CARD8: variants seen among roughly 807,000 people sequenced by gnomAD.
CARD8 encodes the protein caspase recruitment domain family member 8.
In CARD8, 38 loss-of-function variants were observed where a neutral mutation model predicts 53.2. The ratio of observed to expected loss-of-function variants is 0.71; its 90% CI spans 0.55 to 0.94. The LOEUF is 0.94. CARD8 is among the 40% of genes least tolerant of loss of function. The pLI, the probability that CARD8 is intolerant of heterozygous loss-of-function variation, is 0.00. For missense variants in CARD8, 561 were observed against 655.5 expected (o/e 0.86, Z 1.57); for synonymous variants, 245 against 244.9 (o/e 1.00, Z 0.00).
chr19:48,221,808 A>C lies in CARD8; in HGVS notation c.1083T>G (p.Thr361=). The change falls in exon 11 of 14, where the codon ACT becomes ACG. Residue 361 remains threonine, a synonymous_variant. Coordinates refer to ENST00000651546, the MANE Select transcript of CARD8 (RefSeq NM_001184900.3). The part of the protein sequence containing the change: ...EDRFHGVRLQ[T]SPPMEPLNFG... Reference sequence around the variant, plus strand: ...AGTTCAGGGGTTCCATTGGGGGCGAAGTCTGCAGGCGCACACCATGGAAGC... The same window carrying C: ...AGTTCAGGGGTTCCATTGGGGGCGACGTCTGCAGGCGCACACCATGGAAGC... 5 of 1,610,986 alleles carry C rather than the reference A, an allele frequency of 3.1e-6. No homozygotes were observed. Among genetic ancestry groups the C allele is most frequent in the Non-Finnish European group, 4.2e-6 (5 of 1,177,732 alleles).
intron 1 of CARD8, among the ~76,000 whole-genome samples, chr19:48,254,005 C>T (rs761425315): frequency 1.3e-5 from 2 of 152,198 alleles, no homozygotes; most frequent in Non-Finnish European, 2.9e-5. Context: ...AAACACATAG[C>T]ATACATATGT....
At chr19:48,240,854 A>G (rs1373601265) in intron 4 of CARD8, 108 bp downstream of exon 4, 2 of 905,332 alleles carry the variant, frequency 2.2e-6, no homozygotes, top group African/African-American at 3.3e-5. Flanking sequence ...AAATGTGAGC[A>G]GAACCTTTCT....
At chr19:48,247,867 A>G (rs921516261) in intron 3 of CARD8, among the ~76,000 whole-genome samples, 1 of 151,846 alleles carries the variant, frequency 6.6e-6, no homozygotes, top group Non-Finnish European at 1.5e-5. Context: ...TAAAATACAC[A>G]TGATTTTTAC....
chr19:48,246,628 C>T (rs1205481645), intron 3 of CARD8, among the ~76,000 whole-genome samples: 1 of 147,278 alleles, frequency 6.8e-6, no homozygotes, highest in African/African-American at 2.5e-5. Context: ...TAAAAAAAAA[C>T]ATTGCTCTAG....
rs1407099568 is a variant in CARD8, at chr19:48,230,872, T to C, written c.677A>G (p.Glu226Gly). 1 of 1,614,166 alleles carries C rather than the reference T, an allele frequency of 6.2e-7. No individual in the cohort carries two copies. The highest frequency in any genetic ancestry group is 1.3e-5 in the African/African-American group (1 of 75,040). ...QHLALDLQHH[E>G]QWLVGGPLFD... Reference sequence around the variant, plus strand: ...CAAGGGGCCGCCCACCAGCCACTGTTCATGGTGCTGCAGGTCCAGGGCCAG... The same window carrying C: ...CAAGGGGCCGCCCACCAGCCACTGTCCATGGTGCTGCAGGTCCAGGGCCAG... Residue 226 changes from glutamate to glycine, a missense_variant, in exon 9 of 14, where the codon GAA (glutamate) becomes GGA (glycine). Coordinates refer to ENST00000651546, the MANE Select transcript of CARD8 (RefSeq NM_001184900.3).
At chr19:48,226,354 G>A (rs552439456) in intron 10 of CARD8, among the ~76,000 whole-genome samples, 1 of 152,124 alleles carries the variant, frequency 6.6e-6, no homozygotes, top group South Asian at 2.1e-4. Flanking sequence ...CTCCCAAGTA[G>A]CTGGGATTAC....
chr19:48,252,781 A>C, intron 1 of CARD8, among the ~76,000 whole-genome samples: 1 of 150,194 alleles, frequency 6.7e-6, no homozygotes, highest in Admixed American at 6.7e-5. Flanking sequence ...TGTAGGTGTG[A>C]GCCACCGCAC....
At chr19:48,223,715 A>G in intron 10 of CARD8, 1 of 393,436 alleles carries the variant, frequency 2.5e-6, no homozygotes, top group Admixed American at 2.9e-5. Flanking sequence ...GTTGAGAGAC[A>G]TACCACTGGA....
At chr19:48,255,746 A>G (rs1416932608) in intron 1 of CARD8, 46 bp downstream of exon 1, 1 of 152,234 alleles carries the variant, frequency 6.6e-6, no homozygotes. Flanking sequence ...TCCTACCAAC[A>G]AGCCTCCGTT....
intron 3 of CARD8, among the ~76,000 whole-genome samples, chr19:48,243,215 G>T (rs62129800): frequency 6.6e-6 from 1 of 151,882 alleles, no homozygotes; most frequent in African/African-American, 2.4e-5. Flanking sequence ...GGGTTTCACC[G>T]TGTTAGCCAG....
intron 1 of CARD8, among the ~76,000 whole-genome samples, chr19:48,251,672 T>C (rs1425657684): frequency 6.6e-6 from 1 of 152,170 alleles, no homozygotes; most frequent in Non-Finnish European, 1.5e-5. Context: ...ACAAATATAT[T>C]TTGCACATGT....
At chr19:48,213,684 A>G (rs536350506) in intron 13 of CARD8, among the ~76,000 whole-genome samples, 153 of 152,282 alleles carry the variant, frequency 1.0e-3, no homozygotes, top group Non-Finnish European at 1.9e-3. Flanking sequence ...AACTCTTTAT[A>G]TTAAATAATG....
At chr19:48,252,003 G>GA (rs1173500121) in intron 1 of CARD8, among the ~76,000 whole-genome samples, 16 of 152,006 alleles carry the variant, frequency 1.1e-4, no homozygotes, top group East Asian at 3.8e-4. Flanking sequence ...ATAAATCTGA[G>GA]AAAAAATCAA....
At chr19:48,215,180 T>C in intron 13 of CARD8, 160 bp downstream of exon 13, 1 of 564,354 alleles carries the variant, frequency 1.8e-6, no homozygotes, top group Non-Finnish European at 3.2e-6. Context: ...AGTCAAATTC[T>C]GTCTTCTAAG....
chr19:48,237,183 A>C (rs1325396395), intron 5 of CARD8, among the ~76,000 whole-genome samples: 1 of 151,930 alleles, frequency 6.6e-6, no homozygotes, highest in Non-Finnish European at 1.5e-5. Context: ...ACATCATGGG[A>C]CCAGCTTCTG....
intron 10 of CARD8, among the ~76,000 whole-genome samples, chr19:48,222,558 G>A (rs564738901): frequency 1.2e-4 from 18 of 152,200 alleles, no homozygotes; most frequent in African/African-American, 2.9e-4. Flanking sequence ...GCGTGGTGGC[G>A]GGCGCCTGTA....
At chr19:48,238,219 A>T (rs1450220698) in intron 5 of CARD8, 164 bp downstream of exon 5, 51 of 1,290,276 alleles carry the variant, frequency 4.0e-5, no homozygotes, top group Non-Finnish European at 5.1e-5. Flanking sequence ...ATGAGATACA[A>T]ACTCTTTTGA....
intron 3 of CARD8, among the ~76,000 whole-genome samples, chr19:48,243,974 G>A (rs2045680163): frequency 6.6e-6 from 1 of 152,136 alleles, no homozygotes; most frequent in Admixed American, 6.5e-5. Flanking sequence ...TTTTTTTCAT[G>A]AGTCAAAAAG....
intron 3 of CARD8, among the ~76,000 whole-genome samples, chr19:48,246,385 G>A (rs993027122): frequency 6.6e-6 from 1 of 151,966 alleles, no homozygotes; most frequent in African/African-American, 2.4e-5. Flanking sequence ...TGGCTCCCTT[G>A]TATTCAAAAA....
Sources: gnomAD v4.1 joint callset for allele counts (sites outside exome capture counted in the v4.1 genomes callset) on GRCh38, gnomAD v4.1.1 for gene constraint, MANE v1.5 for transcripts, NCBI Gene and HGNC (gene_info 2026-07-23, HGNC 2026-07-21) for gene names.